Variants in SNTA1 observed in about 807,000 individuals in gnomAD.
SNTA1 encodes the protein alpha-1-syntrophin.
A neutral mutation model predicts 47.1 loss-of-function variants in SNTA1; 31 were observed. The observed-to-expected ratio is 0.66, with a 90% confidence interval of 0.49 to 0.89. The LOEUF (loss-of-function observed/expected upper bound fraction) is 0.89. Among genes scored for constraint, SNTA1 ranks in the 40% least tolerant of loss-of-function variants. The probability of loss-of-function intolerance (pLI) is 0.00; values close to 1 mark genes in which losing one functional copy is unlikely to be tolerated. For missense variants in SNTA1, 575 were observed against 693.0 expected, an observed-to-expected ratio of 0.83 and a Z score of 1.91; for synonymous variants, 300 against 313.6, an observed-to-expected ratio of 0.96 and a Z score of 0.46.
At chr20:33,415,337 A>G (rs1321104450) in intron 3 of SNTA1, among the ~76,000 whole-genome samples, 1 of 152,216 alleles carries the variant, frequency 6.6e-6, no homozygotes, top group African/African-American at 2.4e-5. Context: ...AGAAGGACTA[A>G]TACTACTTCA....
At chr20:33,414,765 G>A (rs577311904) in intron 3 of SNTA1, among the ~76,000 whole-genome samples, 1 of 152,238 alleles carries the variant, frequency 6.6e-6, no homozygotes, top group African/African-American at 2.4e-5. Context: ...CTGCCTCCAC[G>A]AAGAAGAAAA....
In SNTA1 at chr20:33,439,025, G is replaced by A. The variant is rs533476140; in HGVS notation, c.312C>T (p.Gly104=). The A allele has an allele frequency of 3.0e-4, 479 of 1,613,828 alleles. 1 individual carries two copies. In the South Asian group the frequency reaches 4.6e-3, roughly 15 times the overall value. ...DAGGLGISIK[G]GRENKMPILI... Reference sequence around the variant, plus strand: ...GAATAGGCATCTTGTTCTCCCGGCCGCCTGCACAGGTACAGAAGGAGGACA... The same window carrying A: ...GAATAGGCATCTTGTTCTCCCGGCCACCTGCACAGGTACAGAAGGAGGACA... The change falls in exon 2 of 8, where the codon GGC becomes GGT. Residue 104 remains glycine (G), a splice_region_variant and synonymous_variant. Transcript: ENST00000217381.
intron 6 of SNTA1, among the ~76,000 whole-genome samples, chr20:33,409,396 C>A (rs1453572171): frequency 3.3e-5 from 5 of 152,212 alleles, no homozygotes; most frequent in Admixed American, 2.0e-4. Context: ...GGCAAGAAAA[C>A]CCCAGGGAGA....
intron 2 of SNTA1, among the ~76,000 whole-genome samples, chr20:33,432,608 G>T (rs1243402778): frequency 6.6e-6 from 1 of 152,198 alleles, no homozygotes; most frequent in Non-Finnish European, 1.5e-5. Flanking sequence ...AGGCGCAGTG[G>T]CTCATGCCTG....
At position 33,408,165 on chromosome 20, in the gene SNTA1, G is replaced by A. The variant is rs150740903; in HGVS notation, c.*342C>T. ...CCTCTGGGGGTGGCTTAGGGGCCTC[G>A]AGGAGGCCCGGCAGCTCAGCTGTTG... On this transcript the variant is annotated 3_prime_UTR_variant, in exon 8 of 8. Coordinates refer to ENST00000217381, the MANE Select transcript of SNTA1 (RefSeq NM_003098.3). 1,519 of 366,034 alleles carry A rather than the reference G, an allele frequency of 4.1e-3. 19 individuals carry two copies. Among genetic ancestry groups the A allele is most frequent in the African/African-American group, 0.028 (1,327 of 48,240 alleles). 22.7% of individuals were successfully genotyped at this position (366,034 alleles called of 1,614,324 possible). A position where few individuals can be genotyped will look rare whatever the true frequency, so the allele number is the denominator to read the frequency against.
chr20:33,419,071 G>C (rs147321446), intron 2 of SNTA1, among the ~76,000 whole-genome samples: 1 of 151,718 alleles, frequency 6.6e-6, no homozygotes, highest in African/African-American at 2.4e-5. Flanking sequence ...CCAAGATTGC[G>C]CACTCCAGCC....
intron 2 of SNTA1, among the ~76,000 whole-genome samples, chr20:33,420,508 C>T (rs1007616301): frequency 6.6e-6 from 1 of 152,202 alleles, no homozygotes; most frequent in African/African-American, 2.4e-5. Flanking sequence ...CAAAGCCCTG[C>T]TCTGCCTCCC....
chr20:33,414,265 A>AAAC (rs1686277946), intron 3 of SNTA1, among the ~76,000 whole-genome samples: 1 of 145,434 alleles, frequency 6.9e-6, no homozygotes, highest in Admixed American at 7.5e-5. Context: ...AAAAAAAAAA[A>AAAC]AAAAAAACAG....
intron 2 of SNTA1, among the ~76,000 whole-genome samples, chr20:33,430,208 G>A (rs1990268499): frequency 6.6e-6 from 1 of 151,384 alleles, no homozygotes; most frequent in African/African-American, 2.4e-5. Context: ...CAACTCTCTC[G>A]AACACACCTT....
rs941093379 is a variant in SNTA1 at position 33,408,616 on chromosome 20, G to A, written c.1426-17C>T. On this transcript the variant is annotated splice_polypyrimidine_tract_variant and intron_variant, in intron 7 of 7. Transcript: ENST00000217381. ...GTCCAGCTGCTGGAGGGTGGATGGA[G>A]AGAAGAGTCAGGGCCCTGGCCAGCC... is the stretch of plus-strand genomic sequence containing the variant. 1.2e-6 allele frequency: 2 copies of A among 1,612,744 alleles called. No individual in the cohort carries two copies. The highest frequency in any genetic ancestry group is 1.7e-6 in the Non-Finnish European group (2 of 1,178,710).
At position 33,430,634 on chromosome 20, in the gene SNTA1, A is replaced by T. The variant is rs117160401; in HGVS notation, c.496+8207T>A. On this transcript the variant is annotated intron_variant, in intron 2 of 7. Coordinates refer to ENST00000217381, the MANE Select transcript of SNTA1 (RefSeq NM_003098.3). ...GTCTCAGAGAAGTGACATAACCTGT[A>T]GTGCAGATAAGTATTTAAGAAAATG... Among the ~76,000 whole-genome samples, 1,000 of 151,942 alleles carry T rather than the reference A, an allele frequency of 6.6e-3. 23 individuals are homozygous for T. The East Asian group carries it at 0.07, about 11-fold the overall frequency.
At chr20:33,441,060 C>T (rs1003074291) in intron 1 of SNTA1, among the ~76,000 whole-genome samples, 1 of 152,204 alleles carries the variant, frequency 6.6e-6, no homozygotes, top group Non-Finnish European at 1.5e-5. Flanking sequence ...TTACCAAACT[C>T]TTAAATGCCC....
chr20:33,412,211 G>C, intron 5 of SNTA1, 85 bp downstream of exon 5: 5 of 1,458,804 alleles, frequency 3.4e-6, no homozygotes. Flanking sequence ...GGGTGGACAG[G>C]GCTGGAGTTC....
chr20:33,412,413 C>T lies in SNTA1; in HGVS notation c.923G>A (p.Gly308Asp), dbSNP rs758491082. 3.7e-6 allele frequency: 6 copies of T among 1,610,712 alleles called. No homozygotes were observed. Among genetic ancestry groups the T allele is most frequent in the Non-Finnish European group, 4.2e-6 (5 of 1,179,098 alleles). The change falls in exon 5 of 8, where the codon GGC becomes GAC. Residue 308 changes from glycine to aspartate, a missense_variant. Gly to Asp is a moderately conservative substitution (Grantham distance 94, BLOSUM62 -1). Coordinates refer to ENST00000217381, the MANE Select transcript of SNTA1 (RefSeq NM_003098.3). ...TAGCAGGGCCAGGGTGGGGGCTGTGCCCCCACTGGGCAGCTGCAGAGAACA... is the reference window on the plus strand; with the variant it reads ...TAGCAGGGCCAGGGTGGGGGCTGTGTCCCCACTGGGCAGCTGCAGAGAACA... ...GWLTEQLPSGGTAPTLALLTE... is the reference protein window; with the variant it reads ...GWLTEQLPSGDTAPTLALLTE...
At position 33,417,830 on chromosome 20, in the gene SNTA1, C is replaced by T. The variant is rs775740746; in HGVS notation, c.590G>A (p.Arg197Gln). Residue 197 changes from arginine (R) to glutamine (Q), a missense_variant, in exon 3 of 8, where the codon CGG (arginine) becomes CAG (glutamine). By Grantham distance (43) the Arg-to-Gln change is conservative. Coordinates refer to ENST00000217381, the MANE Select transcript of SNTA1 (RefSeq NM_003098.3). Reference sequence around the variant, plus strand: ...TGTGGGGCCAGGGGAGGAAGGCTGCCGCTGAAGGGGTGAGGCAGGAGGTGA... The same window carrying T: ...TGTGGGGCCAGGGGAGGAAGGCTGCTGCTGAAGGGGTGAGGCAGGAGGTGA... ...WDSPPASPLQRQPSSPGPTPR... is the reference protein window; with the variant it reads ...WDSPPASPLQQQPSSPGPTPR... 13 of 1,613,862 alleles carry T rather than the reference C, an allele frequency of 8.1e-6. No homozygotes were observed. The East Asian group carries it at 1.1e-4, about 14-fold the overall frequency.
At chr20:33,436,963 C>CAAAA (rs1208975922) in intron 2 of SNTA1, among the ~76,000 whole-genome samples, 2 of 53,180 alleles carry the variant, frequency 3.8e-5, no homozygotes, top group Admixed American at 2.4e-4. Flanking sequence ...GACTCCATCT[C>CAAAA]AAAAAAAAAA....
chr20:33,425,853 A>G (rs1056056404), intron 2 of SNTA1, among the ~76,000 whole-genome samples: 1 of 151,922 alleles, frequency 6.6e-6, no homozygotes, highest in Non-Finnish European at 1.5e-5. Context: ...GGGCAGATCA[A>G]CTGAGGTCAG....
chr20:33,434,301 G>C (rs1990380427), intron 2 of SNTA1, among the ~76,000 whole-genome samples: 1 of 152,144 alleles, frequency 6.6e-6, no homozygotes, highest in Admixed American at 6.6e-5. Context: ...TTGCCATTCA[G>C]AGATTCCTGA....
intron 3 of SNTA1, 73 bp from the exon 4 acceptor site, chr20:33,412,855 C>A: frequency 9.7e-7 from 1 of 1,025,648 alleles, no homozygotes; most frequent in South Asian, 1.4e-5. Flanking sequence ...CCCAAGAAAC[C>A]CCACCCACCA....
Sources: allele counts gnomAD v4.1 joint callset (sites outside exome capture counted in the v4.1 genomes callset), GRCh38; gene constraint gnomAD v4.1.1; transcripts MANE v1.5; gene names NCBI Gene and HGNC (gene_info 2026-07-23, HGNC 2026-07-21).